The following FOXP2 variants were observed in gnomAD, a reference collection of about 807,000 sequenced individuals.
FOXP2 encodes the protein forkhead box P2, also known as forkhead box protein P2.
A neutral mutation model predicts 115.8 loss-of-function variants in FOXP2; 12 were observed. That is an observed-to-expected ratio of 0.10 (90% CI 0.07 to 0.17). The LOEUF (loss-of-function observed/expected upper bound fraction) is 0.17. Among genes scored for constraint, FOXP2 ranks in the 10% least tolerant of loss-of-function variants. The probability of loss-of-function intolerance (pLI) is 1.00; values close to 1 mark genes in which losing one functional copy is unlikely to be tolerated. For missense variants in FOXP2, 629 were observed against 843.5 expected, an observed-to-expected ratio of 0.75 and a Z score of 3.15; for synonymous variants, 328 against 297.7, an observed-to-expected ratio of 1.10 and a Z score of -1.05.
intron 1 of FOXP2, among the ~76,000 whole-genome samples, chr7:114,104,325 C>T (rs1173443698): frequency 1.3e-5 from 2 of 151,452 alleles, no homozygotes; most frequent in Non-Finnish European, 2.9e-5. Context: ...TACTGTGTGA[C>T]CTAAAAAATG....
At chr7:114,664,768 AT>A (rs1807076045) in intron 16 of FOXP2, 4 of 317,010 alleles carry the variant, frequency 1.3e-5, no homozygotes, top group Non-Finnish European at 2.4e-5. Context: ...TGCAATAAGA[AT>A]ATTCATGATG....
intron 11 of FOXP2, among the ~76,000 whole-genome samples, chr7:114,658,620 A>G (rs1401423758): frequency 6.6e-6 from 1 of 152,210 alleles, no homozygotes; most frequent in Non-Finnish European, 1.5e-5. Flanking sequence ...TAAAGGACAT[A>G]TACGAAACAC....
chr7:114,227,833 T>A (rs1794779501), intron 1 of FOXP2, among the ~76,000 whole-genome samples: 1 of 151,978 alleles, frequency 6.6e-6, no homozygotes, highest in Non-Finnish European at 1.5e-5. Context: ...GCAGGAAGTC[T>A]AGTATACTTT....
At chr7:114,514,118 C>G (rs1050601015) in intron 2 of FOXP2, among the ~76,000 whole-genome samples, 1 of 144,518 alleles carries the variant, frequency 6.9e-6, no homozygotes, top group East Asian at 2.0e-4. Flanking sequence ...CACACACACA[C>G]GCCATAAATA....
At chr7:114,463,851 C>T (rs1273333885) in intron 2 of FOXP2, among the ~76,000 whole-genome samples, 1 of 152,058 alleles carries the variant, frequency 6.6e-6, no homozygotes, top group Admixed American at 6.5e-5. Context: ...TCCTCATATT[C>T]AGAGTAAGAA....
At chr7:114,540,150 G>A (rs1029854547) in intron 3 of FOXP2, among the ~76,000 whole-genome samples, 1 of 151,880 alleles carries the variant, frequency 6.6e-6, no homozygotes, top group Non-Finnish European at 1.5e-5. Flanking sequence ...ACTATTACCA[G>A]CTATTTCAAT....
chr7:114,152,947 A>G (rs1182538877), intron 1 of FOXP2, among the ~76,000 whole-genome samples: 3 of 152,150 alleles, frequency 2.0e-5, no homozygotes, highest in South Asian at 4.1e-4. Context: ...TGATTGATCC[A>G]CGGAACAGAA....
chr7:114,192,276 C>T (rs775450576), intron 1 of FOXP2, among the ~76,000 whole-genome samples: 1 of 152,134 alleles, frequency 6.6e-6, no homozygotes, highest in South Asian at 2.1e-4. Context: ...TGAGCCACTG[C>T]GCCCGGCCTC....
chr7:114,566,864 A>G (rs1344688962), intron 3 of FOXP2, among the ~76,000 whole-genome samples: 1 of 151,954 alleles, frequency 6.6e-6, no homozygotes, highest in Non-Finnish European at 1.5e-5. Context: ...GGAAAGATCA[A>G]TATATAATAT....
chr7:114,550,117 T>TC (rs1316851773), intron 3 of FOXP2, among the ~76,000 whole-genome samples: 57 of 97,192 alleles, frequency 5.9e-4, no homozygotes, highest in Non-Finnish European at 7.9e-4. Flanking sequence ...CTTTTCTTTT[T>TC]TTTTTTTTTT....
At chr7:114,510,259 C>G (rs1202551902) in intron 2 of FOXP2, among the ~76,000 whole-genome samples, 2 of 152,102 alleles carry the variant, frequency 1.3e-5, no homozygotes, top group Non-Finnish European at 2.9e-5. Context: ...CTGGTACAGA[C>G]AGAAGATTTT....
At chr7:114,407,635 A>AG (rs1221121196) in intron 2 of FOXP2, among the ~76,000 whole-genome samples, 2 of 152,182 alleles carry the variant, frequency 1.3e-5, no homozygotes, top group African/African-American at 4.8e-5. Flanking sequence ...GCAGAGAACA[A>AG]GAAAAAAAAG....
At chr7:114,339,761 G>A (rs1203144384) in intron 2 of FOXP2, among the ~76,000 whole-genome samples, 1 of 151,114 alleles carries the variant, frequency 6.6e-6, no homozygotes, top group South Asian at 2.1e-4. Flanking sequence ...TGTGTTAAAA[G>A]CATCCAATTT....
At chr7:114,282,474 A>G (rs1190803298) in intron 1 of FOXP2, among the ~76,000 whole-genome samples, 1 of 152,188 alleles carries the variant, frequency 6.6e-6, no homozygotes, top group Non-Finnish European at 1.5e-5. Context: ...TAAATTTTGA[A>G]CTAGGATTAC....
At chr7:114,210,289 G>T (rs1342337209) in intron 1 of FOXP2, among the ~76,000 whole-genome samples, 1 of 152,138 alleles carries the variant, frequency 6.6e-6, no homozygotes, top group Non-Finnish European at 1.5e-5. Context: ...GATGTTTGAG[G>T]TTGCTGACTT....
At chr7:114,548,490 G>C (rs1239839856) in intron 3 of FOXP2, among the ~76,000 whole-genome samples, 1 of 152,150 alleles carries the variant, frequency 6.6e-6, no homozygotes, top group Non-Finnish European at 1.5e-5. Context: ...GGACCCTAGG[G>C]ATATGTGAAA....
intron 2 of FOXP2, among the ~76,000 whole-genome samples, chr7:114,460,624 C>A (rs1795521667): frequency 6.6e-6 from 1 of 152,048 alleles, no homozygotes; most frequent in African/African-American, 2.4e-5. Flanking sequence ...TTCTCAGTGT[C>A]CTCGTATTTG....
intron 1 of FOXP2, among the ~76,000 whole-genome samples, chr7:114,122,302 T>C (rs902967884): frequency 1.3e-5 from 2 of 152,062 alleles, no homozygotes; most frequent in African/African-American, 4.8e-5. Flanking sequence ...TGATTCCAAA[T>C]ATAGTAGAGT....
chr7:114,490,355 C>A (rs536592917), intron 2 of FOXP2, among the ~76,000 whole-genome samples: 4 of 152,156 alleles, frequency 2.6e-5, no homozygotes, highest in African/African-American at 9.6e-5. Flanking sequence ...GTACAACATC[C>A]TGGAAAGAGC....
Sources: allele counts gnomAD v4.1 joint callset (sites outside exome capture counted in the v4.1 genomes callset), GRCh38; gene constraint gnomAD v4.1.1; transcripts MANE v1.5; gene names NCBI Gene and HGNC (gene_info 2026-07-23, HGNC 2026-07-21).